Variants in UNC13C observed in about 807,000 individuals in gnomAD.
UNC13C encodes the protein protein unc-13 homolog C.
Under a neutral mutation model 245.4 loss-of-function variants are expected in UNC13C, and 174 were observed. The observed-to-expected ratio is 0.71, with a 90% CI of 0.63 to 0.80. The LOEUF (loss-of-function observed/expected upper bound fraction) is 0.80. UNC13C is among the 30% of genes least tolerant of loss of function. The pLI, the probability that UNC13C is intolerant of heterozygous loss-of-function variation, is 0.00. For synonymous variants in UNC13C, 992 were observed against 895.1 expected, an observed-to-expected ratio of 1.11 and a Z score of -1.93; for missense variants, 2,829 against 2,602.9, an observed-to-expected ratio of 1.09 and a Z score of -1.89.
At position 54,627,344 on chromosome 15, in the gene UNC13C, C is replaced by T; in HGVS notation, c.*231C>T. The T allele has an allele frequency of 5.4e-6, 2 of 372,110 alleles. No individual in the cohort carries two copies. The highest frequency in any genetic ancestry group is 8.0e-5 in the South Asian group (1 of 12,434). 23.1% of individuals were successfully genotyped at this position (372,110 alleles called of 1,614,324 possible). A position where few individuals can be genotyped will look rare whatever the true frequency, so the allele number is the denominator to read the frequency against. On this transcript the variant is annotated 3_prime_UTR_variant, in exon 33 of 33. Coordinates refer to ENST00000260323, the MANE Select transcript of UNC13C (RefSeq NM_001080534.3). ...ATGTAAAGTGAAATATCAAGAACAC[C>T]TTTTAACATGTTTATTTTGTTTCTT...
intron 17 of UNC13C, among the ~76,000 whole-genome samples, chr15:54,341,608 CA>C (rs113165230): frequency 1.3e-5 from 2 of 151,800 alleles, no homozygotes; most frequent in African/African-American, 4.8e-5. Context: ...TTCAGGAATA[CA>C]AAAAAATATA....
At chr15:54,579,112 C>T (rs996035811) in intron 30 of UNC13C, among the ~76,000 whole-genome samples, 7 of 152,072 alleles carry the variant, frequency 4.6e-5, no homozygotes, top group African/African-American at 1.4e-4. Context: ...TGATGTAGTT[C>T]GGCAGTAAAA....
intron 17 of UNC13C, among the ~76,000 whole-genome samples, chr15:54,366,959 C>G (rs1262715692): frequency 6.6e-6 from 1 of 152,138 alleles, no homozygotes; most frequent in Non-Finnish European, 1.5e-5. Flanking sequence ...TGAGCTCTCA[C>G]ACAACTGTCT....
chr15:54,558,255 TA>T (rs1298797653), intron 29 of UNC13C, among the ~76,000 whole-genome samples: 7 of 151,904 alleles, frequency 4.6e-5, no homozygotes, highest in Admixed American at 2.0e-4. Flanking sequence ...AGTATAATAA[TA>T]AAAAAAGAAT....
intron 2 of UNC13C, among the ~76,000 whole-genome samples, chr15:54,091,801 T>A (rs937311594): frequency 2.6e-5 from 4 of 152,210 alleles, no homozygotes; most frequent in Non-Finnish European, 5.9e-5. Context: ...GAATTTTTGC[T>A]GCACAGGACT....
intron 17 of UNC13C, among the ~76,000 whole-genome samples, chr15:54,356,760 C>A (rs529623529): frequency 1.3e-5 from 2 of 152,206 alleles, no homozygotes; most frequent in African/African-American, 4.8e-5. Context: ...TTGTGGGATA[C>A]CCAACATTCA....
chr15:54,174,547 T>G (rs1021283899), intron 4 of UNC13C, among the ~76,000 whole-genome samples: 3 of 152,210 alleles, frequency 2.0e-5, no homozygotes, highest in African/African-American at 4.8e-5. Context: ...TATAACTTAA[T>G]GTAGCATCAA....
intron 29 of UNC13C, among the ~76,000 whole-genome samples, chr15:54,565,066 C>T (rs1765405494): frequency 6.6e-6 from 1 of 151,918 alleles, no homozygotes; most frequent in Admixed American, 6.6e-5. Flanking sequence ...TTAAAAACAA[C>T]AGTACTTAAA....
Position 54,085,068 on chromosome 15 carries a change from G to A in UNC13C, c.2984-57950G>A, listed in dbSNP as rs540005593. 3.7e-4 allele frequency among the ~76,000 whole-genome samples: 56 copies of A among 152,210 alleles called. 1 individual carries two copies. Among genetic ancestry groups the A allele is most frequent in the African/African-American group, 1.3e-3 (54 of 41,550 alleles). On this transcript the variant is annotated intron_variant, in intron 2 of 32. Transcript: ENST00000260323. ...TATTATGATAAGAAGACTTCTGAAT[G>A]TTAATTATGACTTCTGCTAACAGTA...
At chr15:54,053,308 A>T (rs562764835) in intron 2 of UNC13C, among the ~76,000 whole-genome samples, 9 of 152,336 alleles carry the variant, frequency 5.9e-5, no homozygotes, top group Admixed American at 5.9e-4. Flanking sequence ...TTGGGATTAC[A>T]GGCATAAGCC....
chr15:54,056,557 C>T (rs558458592), intron 2 of UNC13C, among the ~76,000 whole-genome samples: 1 of 152,308 alleles, frequency 6.6e-6, no homozygotes, highest in Non-Finnish European at 1.5e-5. Context: ...TCCAGGAGAA[C>T]TTCCCCAATC....
intron 24 of UNC13C, among the ~76,000 whole-genome samples, chr15:54,524,633 A>T (rs1404482730): frequency 7.9e-5 from 12 of 152,182 alleles, no homozygotes; most frequent in Non-Finnish European, 1.8e-4. Context: ...ATGCACCCTC[A>T]TAGGGATACT....
At chr15:54,462,226 A>G (rs1418749780) in intron 19 of UNC13C, among the ~76,000 whole-genome samples, 4 of 152,256 alleles carry the variant, frequency 2.6e-5, no homozygotes, top group African/African-American at 9.6e-5. Context: ...TAGAATTATG[A>G]AGGGACTATT....
chr15:54,372,954 G>C (rs2140885881), intron 17 of UNC13C, among the ~76,000 whole-genome samples: 1 of 152,310 alleles, frequency 6.6e-6, no homozygotes, highest in Non-Finnish European at 1.5e-5. Context: ...CTGGATAGCA[G>C]AGCTCTAGAG....
At chr15:54,319,519 T>C (rs1271446536) in intron 13 of UNC13C, among the ~76,000 whole-genome samples, 1 of 151,926 alleles carries the variant, frequency 6.6e-6, no homozygotes. Flanking sequence ...GGAACTCACA[T>C]AGCATAAATT....
intron 19 of UNC13C, among the ~76,000 whole-genome samples, chr15:54,475,280 GTTT>G (rs1173634522): frequency 7.5e-5 from 4 of 53,620 alleles, no homozygotes; most frequent in East Asian, 1.5e-3. Flanking sequence ...ATGGTTTTTT[GTTT>G]ATTATTATTA....
rs145076433 is a variant in UNC13C, at chr15:54,429,326, T to C, written c.4933+14259T>C. On this transcript the variant is annotated intron_variant, in intron 19 of 32. Transcript: ENST00000260323. The stretch of plus-strand genomic sequence containing the variant: ...ATTGAAAGAGCAATACAGAAATTCC[T>C]GAGGACAAGTTAAAGCATTATTCTT... Among the ~76,000 whole-genome samples, 127 of 151,892 alleles carry C rather than the reference T, an allele frequency of 8.4e-4. 2 individuals carry two copies. In the East Asian group the frequency reaches 0.023, roughly 28 times the overall value.
rs142256306 is a variant in UNC13C at position 54,473,078 on chromosome 15, A to G, written c.4934-21530A>G. 5.3e-5 allele frequency among the ~76,000 whole-genome samples: 8 copies of G among 151,704 alleles called. No homozygotes were observed. In the East Asian group the frequency reaches 1.6e-3, roughly 29 times the overall value. ...GCCATCTTTATTTCCATGAGTACCT[A>G]ATGCTCAGCTCCCACTAAAAGTGAG... On this transcript the variant is annotated intron_variant, in intron 19 of 32. Coordinates refer to ENST00000260323, the MANE Select transcript of UNC13C (RefSeq NM_001080534.3).
the UNC13C span, among the ~76,000 whole-genome samples, chr15:53,856,730 C>T: frequency 2.0e-5 from 3 of 151,866 alleles, no homozygotes; most frequent in Non-Finnish European, 2.9e-5. Flanking sequence ...AGAGTAAGTG[C>T]CGTGAGGTGA....
Sources: allele counts gnomAD v4.1 joint callset (sites outside exome capture counted in the v4.1 genomes callset), GRCh38; gene constraint gnomAD v4.1.1; transcripts MANE v1.5; gene names NCBI Gene and HGNC (gene_info 2026-07-23, HGNC 2026-07-21).